MALRD1: variants seen among roughly 807,000 people sequenced by gnomAD.
MALRD1 encodes the protein MAM and LDL receptor class A domain containing 1, also known as MAM and LDL-receptor class A domain-containing protein 1.
Under a neutral mutation model 242.1 loss-of-function variants are expected in MALRD1, and 247 were observed. The ratio of observed to expected loss-of-function variants is 1.02; its 90% CI spans 0.92 to 1.13. The LOEUF (loss-of-function observed/expected upper bound fraction) is 1.13. Among genes scored for constraint, MALRD1 ranks in the 50% most tolerant of loss-of-function variants. MALRD1 has a pLI of 0.00. For missense variants in MALRD1, 2,989 were observed against 2,533.1 expected, an observed-to-expected ratio of 1.18 and a Z score of -3.86; for synonymous variants, 995 against 866.6, an observed-to-expected ratio of 1.15 and a Z score of -2.60.
At chr10:19,409,462 A>T (rs141040835) in intron 28 of MALRD1, among the ~76,000 whole-genome samples, 1 of 152,194 alleles carries the variant, frequency 6.6e-6, no homozygotes, top group African/African-American at 2.4e-5. Flanking sequence ...CTTTAAAAAA[A>T]ATAAATGAAA....
chr10:19,562,345 TTAGA>T (rs1385913751), intron 32 of MALRD1, among the ~76,000 whole-genome samples: 1 of 82,714 alleles, frequency 1.2e-5, no homozygotes, highest in Non-Finnish European at 2.4e-5. Context: ...AGATAGATAG[TTAGA>T]TAGATAGATA....
intron 30 of MALRD1, among the ~76,000 whole-genome samples, chr10:19,493,989 C>T (rs924459416): frequency 6.6e-6 from 1 of 152,088 alleles, no homozygotes; most frequent in Non-Finnish European, 1.5e-5. Flanking sequence ...CAAATTCAAG[C>T]CTGTAAACTG....
Position 19,099,870 on chromosome 10 carries a change from C to T in MALRD1, c.598-4109C>T, listed in dbSNP as rs139619824. ...CTCTGCCTCCCGGGTTCAAGCGATT[C>T]TCCTGCCTCAGCCTCCCGAGGCTGG... On this transcript the variant is annotated intron_variant, in intron 4 of 39. Transcript: ENST00000454679. Among the ~76,000 whole-genome samples, 829 of 151,790 alleles carry T rather than the reference C, an allele frequency of 5.5e-3. 11 individuals carry two copies. The highest frequency in any genetic ancestry group is 0.017 in the African/African-American group (706 of 41,404).
chr10:19,113,792 TACACACACACACACACAC>T (rs753384799), intron 5 of MALRD1, among the ~76,000 whole-genome samples: 3 of 134,488 alleles, frequency 2.2e-5, no homozygotes, highest in East Asian at 2.3e-4. Context: ...TACCACCCCC[TACACACACACACACACAC>T]ACACACACAC....
chr10:19,243,956 G>A (rs1035391466), intron 18 of MALRD1, among the ~76,000 whole-genome samples: 5 of 151,980 alleles, frequency 3.3e-5, no homozygotes, highest in Admixed American at 6.6e-5. Context: ...ATTTGAGAAG[G>A]GAAATTTTAT....
rs147837221 is a variant in MALRD1 at position 19,697,680 on chromosome 10, G to A, written c.6314+5126G>A. On this transcript the variant is annotated intron_variant, in intron 38 of 39. Transcript: ENST00000454679. ...TATGGAAGTTATTGAGAGGACCCTC[G>A]GGCAAATATTGGTGGCATTATGCCA... Among the ~76,000 whole-genome samples the A allele has an allele frequency of 3.5e-3, 533 of 152,164 alleles. 5 individuals carry two copies. The highest frequency in any genetic ancestry group is 0.012 in the African/African-American group (506 of 41,526).
intron 19 of MALRD1, among the ~76,000 whole-genome samples, chr10:19,272,760 CTGTGAGTGAGAACA>C (rs1840314751): frequency 6.6e-6 from 1 of 152,126 alleles, no homozygotes; most frequent in Non-Finnish European, 1.5e-5. Flanking sequence ...TCAACTCCCA[CTGTGAGTGAGAACA>C]TGTGGTGTTT....
intron 18 of MALRD1, 135 bp from the exon 19 acceptor site, chr10:19,257,549 T>A: frequency 1.6e-6 from 1 of 637,286 alleles, no homozygotes; most frequent in Non-Finnish European, 2.5e-6. Context: ...TGGAGACTAC[T>A]GCAAAGCAGT....
intron 10 of MALRD1, among the ~76,000 whole-genome samples, chr10:19,137,607 G>GAAAAAAAAAAAAAA (rs34768480): frequency 1.2e-5 from 1 of 84,448 alleles, no homozygotes; most frequent in African/African-American, 4.4e-5. Context: ...GACTCCGTCT[G>GAAAAAAAAAAAAAA]AAAAAAAAAA....
At chr10:19,698,058 C>G (rs1317515356) in intron 38 of MALRD1, among the ~76,000 whole-genome samples, 1 of 152,118 alleles carries the variant, frequency 6.6e-6, no homozygotes, top group Non-Finnish European at 1.5e-5. Context: ...AATATTTTTC[C>G]AAGCTCCAGA....
intron 5 of MALRD1, among the ~76,000 whole-genome samples, chr10:19,113,099 AT>A (rs1017470664): frequency 6.6e-5 from 10 of 151,744 alleles, no homozygotes; most frequent in Non-Finnish European, 1.2e-4. Flanking sequence ...CCTATGGGAT[AT>A]TTTTTTTCTT....
intron 31 of MALRD1, among the ~76,000 whole-genome samples, chr10:19,527,853 C>T (rs534162889): frequency 7.8e-4 from 119 of 152,222 alleles, no homozygotes; most frequent in African/African-American, 2.7e-3. Context: ...AAAGTGCAGT[C>T]TAAATGCATT....
At chr10:19,308,083 G>A (rs559615628) in intron 21 of MALRD1, among the ~76,000 whole-genome samples, 13 of 151,402 alleles carry the variant, frequency 8.6e-5, no homozygotes, top group East Asian at 3.9e-4. Flanking sequence ...AGTTATTATC[G>A]GCTGTAGTCA....
At chr10:19,341,193 G>A (rs1161581186) in intron 24 of MALRD1, among the ~76,000 whole-genome samples, 2 of 151,736 alleles carry the variant, frequency 1.3e-5, no homozygotes, top group East Asian at 1.9e-4. Flanking sequence ...ATATATTCAA[G>A]TCAACACATA....
At chr10:19,601,069 G>T (rs1371824111) in intron 34 of MALRD1, among the ~76,000 whole-genome samples, 1 of 151,958 alleles carries the variant, frequency 6.6e-6, no homozygotes, top group Non-Finnish European at 1.5e-5. Context: ...ATTTGTAGAG[G>T]TAGGGTCTTG....
At chr10:19,680,974 C>T (rs751073365) in intron 36 of MALRD1, among the ~76,000 whole-genome samples, 20 of 152,132 alleles carry the variant, frequency 1.3e-4, no homozygotes, top group African/African-American at 3.4e-4. Flanking sequence ...ATTGGCCTCC[C>T]GATATCTTTT....
chr10:19,697,166 A>C (rs576201790), intron 38 of MALRD1, among the ~76,000 whole-genome samples: 1 of 152,258 alleles, frequency 6.6e-6, no homozygotes, highest in Non-Finnish European at 1.5e-5. Context: ...AAAGAGAGAG[A>C]GAGATTTAAG....
At chr10:19,659,362 A>G (rs1003170828) in intron 36 of MALRD1, among the ~76,000 whole-genome samples, 5 of 152,194 alleles carry the variant, frequency 3.3e-5, no homozygotes, top group African/African-American at 1.2e-4. Flanking sequence ...GTATTTCACA[A>G]ATAAGCAAAC....
At chr10:19,086,931 C>T (rs369964921) in intron 2 of MALRD1, among the ~76,000 whole-genome samples, 1 of 151,964 alleles carries the variant, frequency 6.6e-6, no homozygotes, top group Admixed American at 6.6e-5. Context: ...AGGCATACCC[C>T]CCAAGTCTGC....
Sources: allele counts gnomAD v4.1 joint callset (sites outside exome capture counted in the v4.1 genomes callset), GRCh38; gene constraint gnomAD v4.1.1; transcripts MANE v1.5; gene names NCBI Gene and HGNC (gene_info 2026-07-23, HGNC 2026-07-21).